Variants in CLIP1 observed in about 807,000 individuals in gnomAD.
The protein encoded by CLIP1 is CAP-Gly domain containing linker protein 1, also known as CAP-Gly domain-containing linker protein 1.
CLIP1 carries 66 observed loss-of-function variants against 161.6 expected under a neutral mutation model. That is an observed-to-expected ratio of 0.41 (90% confidence interval 0.33 to 0.50). The LOEUF is 0.50. CLIP1 is among the 20% of genes least tolerant of loss of function. The pLI, the probability that CLIP1 is intolerant of heterozygous loss-of-function variation, is 0.27. For synonymous variants in CLIP1, 598 were observed against 626.2 expected (o/e 0.96, Z 0.67); for missense variants, 1,376 against 1,702.0 (o/e 0.81, Z 3.37).
intron 11 of CLIP1, among the ~76,000 whole-genome samples, chr12:122,337,787 G>A (rs1952303566): frequency 6.6e-6 from 1 of 151,324 alleles, no homozygotes; most frequent in African/African-American, 2.4e-5. Context: ...AGGCAGAGGT[G>A]GGCGGATCAC....
rs71082989 is a variant in CLIP1 at position 122,412,060 on chromosome 12, CTT to C, written c.-107+10459_-107+10460del. 3.2e-3 allele frequency among the ~76,000 whole-genome samples: 265 copies of C among 81,562 alleles called. 2 individuals carry two copies. In the Middle Eastern group the frequency reaches 0.038, roughly 12 times the overall value. The allele number at this position is 81,562 out of a possible 152,430, so 53.5% of individuals were successfully genotyped here. A position where few individuals can be genotyped will look rare whatever the true frequency, so the allele number is the denominator to read the frequency against. On this transcript the variant is annotated intron_variant, in intron 1 of 25. Transcript: ENST00000620786. ...CTTACTATCTACAACCAGTTATTTTCTTTTTTTTTTTTTTTTTTTTTTTTAAG... is the reference window on the plus strand; with the variant it reads ...CTTACTATCTACAACCAGTTATTTTCTTTTTTTTTTTTTTTTTTTTTTAAG...
chr12:122,335,814 A>G (rs1023832163), intron 12 of CLIP1, among the ~76,000 whole-genome samples: 4 of 152,154 alleles, frequency 2.6e-5, no homozygotes, highest in African/African-American at 9.7e-5. Context: ...CTCAAAAAAA[A>G]AAAAAAGATC....
intron 11 of CLIP1, among the ~76,000 whole-genome samples, chr12:122,339,323 T>C (rs58062133): frequency 0.11 from 15,444 of 146,792 alleles, 1,304 homozygotes; most frequent in East Asian, 0.46. Context: ...GTGAATGTTA[T>C]TTATCACAGC....
chr12:122,310,897 T>C (rs1249721563), intron 19 of CLIP1, among the ~76,000 whole-genome samples: 3 of 152,200 alleles, frequency 2.0e-5, no homozygotes, highest in Non-Finnish European at 4.4e-5. Flanking sequence ...TTCTCAATTT[T>C]TAATTCTCCA....
At chr12:122,313,577 T>G (rs1178144158) in intron 19 of CLIP1, among the ~76,000 whole-genome samples, 1 of 150,882 alleles carries the variant, frequency 6.6e-6, no homozygotes, top group Non-Finnish European at 1.5e-5. Flanking sequence ...AAATACAAAA[T>G]TAGCTGGGCA....
At chr12:122,280,899 A>T (rs1955619875) in intron 21 of CLIP1, 1 of 152,260 alleles carries the variant, frequency 6.6e-6, no homozygotes, top group East Asian at 1.9e-4. Flanking sequence ...CAAGAAGCCA[A>T]ATCACACCTG....
Position 122,272,812 on chromosome 12 carries a change from T to C in CLIP1, c.*63A>G, listed in dbSNP as rs1955226563. Reference sequence around the variant, plus strand: ...CTCCTGAAGTCTGCACACACAATGCTGGTGTTACGTTGTGTCAATGCGAGT... The same window carrying C: ...CTCCTGAAGTCTGCACACACAATGCCGGTGTTACGTTGTGTCAATGCGAGT... On this transcript the variant is annotated 3_prime_UTR_variant, in exon 26 of 26. Transcript: ENST00000620786. 1 of 1,329,104 alleles carries C rather than the reference T, an allele frequency of 7.5e-7. No homozygotes were observed. The highest frequency in any genetic ancestry group is 1.1e-6 in the Non-Finnish European group (1 of 921,492). The allele number at this position is 1,329,104 out of a possible 1,614,324, so 82.3% of individuals were successfully genotyped here. A position where few individuals can be genotyped will look rare whatever the true frequency, so the allele number is the denominator to read the frequency against.
intron 4 of CLIP1, among the ~76,000 whole-genome samples, chr12:122,362,223 A>G (rs1157088392): frequency 6.6e-6 from 1 of 151,472 alleles, no homozygotes; most frequent in African/African-American, 2.4e-5. Context: ...AAGTGCTGGG[A>G]TTACAGGCGT....
intron 1 of CLIP1, among the ~76,000 whole-genome samples, chr12:122,398,858 A>T (rs1044062572): frequency 2.6e-5 from 4 of 151,708 alleles, no homozygotes; most frequent in Admixed American, 2.6e-4. Flanking sequence ...ATCTTTTTTT[A>T]AAAAGTTTAA....
At chr12:122,390,291 T>TAC (rs1385167315) in intron 1 of CLIP1, among the ~76,000 whole-genome samples, 1 of 132,650 alleles carries the variant, frequency 7.5e-6, no homozygotes, top group African/African-American at 2.8e-5. Context: ...TATATATATA[T>TAC]ATATATATAT....
At chr12:122,334,593 G>A (rs1228703397) in intron 13 of CLIP1, 55 bp downstream of exon 13, 11 of 1,199,528 alleles carry the variant, frequency 9.2e-6, no homozygotes, top group Non-Finnish European at 1.3e-5. Context: ...GTCAGCTCCA[G>A]TATGAAAGAA....
chr12:122,320,447 A>G (rs1593059069), intron 17 of CLIP1, among the ~76,000 whole-genome samples: 1 of 151,490 alleles, frequency 6.6e-6, no homozygotes, highest in Non-Finnish European at 1.5e-5. Flanking sequence ...CTAAAAAAAT[A>G]AATTAATTAA....
intron 11 of CLIP1, among the ~76,000 whole-genome samples, chr12:122,340,223 G>A (rs1204635481): frequency 3.3e-5 from 5 of 152,106 alleles, no homozygotes; most frequent in Non-Finnish European, 7.4e-5. Context: ...TGGGATTACA[G>A]GTGTCCGCCA....
Position 122,336,681 on chromosome 12 carries a change from C to G in CLIP1, c.2519G>C (p.Ser840Thr). ...AGTCTCTTTCACTTGACTGACTTCA[C>G]TCAAATTTTCCTGAAGGTTAGTAAG... ...LKLTNLQENL[S>T]EVSQVKETLE... The change falls in exon 12 of 26, where the codon AGT becomes ACT. Residue 840 changes from serine to threonine, a missense_variant. Coordinates refer to ENST00000620786, the MANE Select transcript of CLIP1 (RefSeq NM_001247997.2). 6.2e-7 allele frequency: 1 copy of G among 1,612,488 alleles called. No homozygotes were observed. Among genetic ancestry groups the G allele is most frequent in the Non-Finnish European group, 8.5e-7 (1 of 1,179,272 alleles).
intron 10 of CLIP1, among the ~76,000 whole-genome samples, chr12:122,344,993 G>A (rs78942510): frequency 1.3e-5 from 2 of 151,666 alleles, no homozygotes; most frequent in African/African-American, 4.8e-5. Context: ...TCTAGAGCAG[G>A]AAAAAAAACA....
chr12:122,394,347 G>C (rs1955808426), intron 1 of CLIP1, among the ~76,000 whole-genome samples: 1 of 151,664 alleles, frequency 6.6e-6, no homozygotes, highest in South Asian at 2.1e-4. Context: ...AAATCAGCTG[G>C]GCGTGGTGGC....
chr12:122,278,215 G>GGAA lies in CLIP1; in HGVS notation c.3917-15_3917-13dup. On this transcript the variant is annotated splice_polypyrimidine_tract_variant and intron_variant, in intron 23 of 25. Transcript: ENST00000620786. The stretch of plus-strand genomic sequence containing the variant: ...AGTGTCTGTATTACCTTATATTTGA[G>GGAA]GAAAAAAAAAAAAAAACAAGTGGAG... The GGAA allele has an allele frequency of 8.4e-7, 1 of 1,196,546 alleles. No individual in the cohort carries two copies. Among genetic ancestry groups the GGAA allele is most frequent in the Non-Finnish European group, 1.1e-6 (1 of 915,132 alleles). 74.1% of individuals were successfully genotyped at this position (1,196,546 alleles called of 1,614,324 possible).
At chr12:122,305,667 G>A (rs1413290294) in intron 20 of CLIP1, among the ~76,000 whole-genome samples, 1 of 152,116 alleles carries the variant, frequency 6.6e-6, no homozygotes, top group Non-Finnish European at 1.5e-5. Context: ...GTCTGTGAGG[G>A]TGTTGCTAAA....
Position 122,278,919 on chromosome 12 carries a change from G to A in CLIP1, c.3789C>T (p.Asn1263=), listed in dbSNP as rs148653401. Residue 1263 remains asparagine (N), a synonymous_variant, in exon 23 of 26, where the codon AAC becomes AAT. Transcript: ENST00000620786. ...CTGAATGCAAGGACTTGGCAGAGGC[G>A]TTTTCTCCCCTGAGCACTGTGACCT... ...RNEVTVLRGE[N]ASAKSLHSVV... 6.1e-5 allele frequency: 99 copies of A among 1,611,216 alleles called. No individual in the cohort carries two copies. The African/African-American group carries it at 7.5e-4, about 12-fold the overall frequency.
Sources: allele counts gnomAD v4.1 joint callset (sites outside exome capture counted in the v4.1 genomes callset), GRCh38; gene constraint gnomAD v4.1.1; transcripts MANE v1.5; gene names NCBI Gene and HGNC (gene_info 2026-07-23, HGNC 2026-07-21).